The following RORB variants were observed in gnomAD, a reference collection of about 807,000 sequenced individuals.
RORB encodes the protein RAR related orphan receptor B, also known as nuclear receptor ROR-beta.
A neutral mutation model predicts 59.1 loss-of-function variants in RORB; 6 were observed. The observed-to-expected ratio is 0.10, with a 90% confidence interval of 0.06 to 0.20. The LOEUF is 0.20. RORB is among the 10% of genes least tolerant of loss of function. The probability of loss-of-function intolerance (pLI) is 1.00; values close to 1 mark genes in which losing one functional copy is unlikely to be tolerated. For missense variants in RORB, 320 were observed against 560.5 expected, an observed-to-expected ratio of 0.57 and a Z score of 4.33; for synonymous variants, 215 against 204.5, an observed-to-expected ratio of 1.05 and a Z score of -0.44.
chr9:74,568,678 C>T (rs572142882), intron 1 of RORB, among the ~76,000 whole-genome samples: 26 of 129,684 alleles, frequency 2.0e-4, no homozygotes, highest in Middle Eastern at 5.4e-3. Flanking sequence ...CCAGCCTGGG[C>T]GACAAAGAAA....
chr9:74,648,519 G>T (rs1823938111), intron 4 of RORB, among the ~76,000 whole-genome samples: 1 of 152,126 alleles, frequency 6.6e-6, no homozygotes, highest in Non-Finnish European at 1.5e-5. Flanking sequence ...AGAGAGGAGG[G>T]GACTTGGAAG....
intron 1 of RORB, among the ~76,000 whole-genome samples, chr9:74,510,200 A>C (rs563371979): frequency 6.6e-6 from 1 of 152,238 alleles, no homozygotes; most frequent in Non-Finnish European, 1.5e-5. Flanking sequence ...ATTTGACTAA[A>C]TTTGACCACA....
rs550255749 is a variant in RORB at position 74,579,907 on chromosome 9, T to G, written c.8-50375T>G. ...ATCCACGGTTTCGCCTTCAGCAATT[T>G]CAATTATATGCAGTTAACTATAGTC... On this transcript the variant is annotated intron_variant, in intron 1 of 9. Transcript: ENST00000376896. Among the ~76,000 whole-genome samples the G allele has an allele frequency of 5.3e-5, 8 of 152,292 alleles. No individual in the cohort carries two copies. The East Asian group carries it at 1.5e-3, about 29-fold the overall frequency.
chr9:74,682,743 A>G (rs983291256), intron 9 of RORB, among the ~76,000 whole-genome samples: 5 of 152,278 alleles, frequency 3.3e-5, no homozygotes, highest in East Asian at 1.9e-4. Flanking sequence ...TTCAAATTCA[A>G]TGTATAATTT....
chr9:74,646,498 T>C (rs1823901700), intron 4 of RORB, among the ~76,000 whole-genome samples: 1 of 152,186 alleles, frequency 6.6e-6, no homozygotes, highest in Non-Finnish European at 1.5e-5. Context: ...GGTTAAGGGC[T>C]CTAATGATAA....
At chr9:74,511,940 T>C (rs1825945736) in intron 1 of RORB, among the ~76,000 whole-genome samples, 1 of 151,642 alleles carries the variant, frequency 6.6e-6, no homozygotes, top group Admixed American at 6.6e-5. Flanking sequence ...TTGAGAATCG[T>C]ATATTACAGT....
chr9:74,503,362 T>C (rs567557209), intron 1 of RORB, among the ~76,000 whole-genome samples: 1 of 152,024 alleles, frequency 6.6e-6, no homozygotes, highest in South Asian at 2.1e-4. Flanking sequence ...ATACGCAATA[T>C]GTATATGTAT....
intron 1 of RORB, 26 bp downstream of exon 1, chr9:74,498,009 C>G: frequency 6.2e-7 from 1 of 1,606,912 alleles, no homozygotes; most frequent in Non-Finnish European, 8.5e-7. Context: ...GGCACCGAGG[C>G]TCCCCGAGTC....
At chr9:74,506,399 A>T (rs985861753) in intron 1 of RORB, among the ~76,000 whole-genome samples, 9 of 152,096 alleles carry the variant, frequency 5.9e-5, no homozygotes, top group African/African-American at 1.7e-4. Context: ...CCTGAGTGTG[A>T]GAGGCAAATA....
intron 1 of RORB, among the ~76,000 whole-genome samples, chr9:74,563,883 TGA>T (rs969964483): frequency 3.9e-5 from 6 of 152,206 alleles, no homozygotes; most frequent in Admixed American, 3.9e-4. Flanking sequence ...CTTCCAATGG[TGA>T]CTATAACAAG....
intron 1 of RORB, among the ~76,000 whole-genome samples, chr9:74,545,438 T>G (rs557872430): frequency 6.6e-6 from 1 of 152,330 alleles, no homozygotes; most frequent in South Asian, 2.1e-4. Context: ...TAAATATATC[T>G]AACATTATCA....
Position 74,667,855 on chromosome 9 carries a change from CGAG to C in RORB, c.1072_1074del (p.Glu358del), listed in dbSNP as rs1824291973. 6.2e-7 allele frequency: 1 copy of C among 1,613,402 alleles called. No individual in the cohort carries two copies. ...AGAATTTGTGTTCCTTGCAGCTGACCGAGGAGGAGATCGCTTTGTTCTCATCTG... is the reference window on the plus strand; with the variant it reads ...AGAATTTGTGTTCCTTGCAGCTGACCGAGGAGATCGCTTTGTTCTCATCTG... On this transcript the variant is annotated inframe_deletion, in exon 8 of 10. Transcript: ENST00000376896.
intron 1 of RORB, among the ~76,000 whole-genome samples, chr9:74,564,911 C>A (rs1319161163): frequency 6.6e-6 from 1 of 152,154 alleles, no homozygotes; most frequent in Non-Finnish European, 1.5e-5. Context: ...GTGTGGCTTT[C>A]TGATTGGCAG....
intron 6 of RORB, 71 bp downstream of exon 6, chr9:74,662,677 C>T (rs889050361): frequency 1.3e-6 from 2 of 1,500,900 alleles, no homozygotes; most frequent in African/African-American, 2.7e-5. Context: ...TGTGTTGGTT[C>T]TAGAAAATCC....
At chr9:74,535,705 T>C (rs756859182) in intron 1 of RORB, among the ~76,000 whole-genome samples, 2 of 152,020 alleles carry the variant, frequency 1.3e-5, no homozygotes, top group Non-Finnish European at 2.9e-5. Context: ...TTTCAGGGTA[T>C]GAGGTGACAA....
chr9:74,598,989 C>A (rs1823013913), intron 1 of RORB, among the ~76,000 whole-genome samples: 1 of 152,130 alleles, frequency 6.6e-6, no homozygotes, highest in Non-Finnish European at 1.5e-5. Flanking sequence ...TCCCTCAATA[C>A]CTTGTGAAAT....
intron 1 of RORB, among the ~76,000 whole-genome samples, chr9:74,512,800 T>A (rs1476445568): frequency 6.6e-6 from 1 of 152,072 alleles, no homozygotes; most frequent in Non-Finnish European, 1.5e-5. Flanking sequence ...CTTTTCTGCC[T>A]CCCCCTTTAC....
chr9:74,656,627 T>C (rs1431631486), intron 4 of RORB, among the ~76,000 whole-genome samples: 2 of 152,066 alleles, frequency 1.3e-5, no homozygotes, highest in Admixed American at 6.5e-5. Flanking sequence ...TCCCAGCTAG[T>C]TGGGAGGCTG....
At chr9:74,582,294 C>A (rs754811148) in intron 1 of RORB, among the ~76,000 whole-genome samples, 3 of 152,138 alleles carry the variant, frequency 2.0e-5, no homozygotes, top group African/African-American at 4.8e-5. Flanking sequence ...TGACTTCCTA[C>A]CTTTCTCGAT....
Sources: gnomAD v4.1 joint callset for allele counts (sites outside exome capture counted in the v4.1 genomes callset) on GRCh38, gnomAD v4.1.1 for gene constraint, MANE v1.5 for transcripts, NCBI Gene and HGNC (gene_info 2026-07-23, HGNC 2026-07-21) for gene names.